ZNF300: variants seen among roughly 807,000 people sequenced by gnomAD.
The protein encoded by ZNF300 is zinc finger protein 300.
Under a neutral mutation model 13.9 loss-of-function variants are expected in ZNF300, and 6 were observed. That is an observed-to-expected ratio of 0.43 (90% CI 0.24 to 0.85). The LOEUF (loss-of-function observed/expected upper bound fraction) is 0.85. Ranked by LOEUF, ZNF300 falls within the 40% of genes least tolerant of loss-of-function variation. ZNF300 has a pLI of 0.25. For missense variants in ZNF300, 662 were observed against 714.2 expected (o/e 0.93, Z 0.83); for synonymous variants, 237 against 242.2 (o/e 0.98, Z 0.20).
Position 150,896,112 on chromosome 5 carries a change from G to A in ZNF300, c.1127C>T (p.Thr376Ile), listed in dbSNP as rs780758598. Residue 376 changes from threonine (T) to isoleucine (I), a missense_variant, in exon 6 of 6, where the codon ACT becomes ATT. Transcript: ENST00000274599. ...SPLIIHQRIH[T>I]GEKPYECREC... is the part of the protein sequence containing the mutation. The stretch of plus-strand genomic sequence containing the variant: ...TCTACATTCATAGGGTTTTTCCCCA[G>A]TATGTATTCTCTGATGTATAATGAG... The A allele has an allele frequency of 7.4e-6, 12 of 1,613,298 alleles. No individual in the cohort carries two copies. Among genetic ancestry groups the A allele is most frequent in the Admixed American group, 3.3e-5 (2 of 59,842 alleles).
chr5:150,898,318 T>C, intron 4 of ZNF300, 110 bp downstream of exon 4: 1 of 1,597,142 alleles, frequency 6.3e-7, no homozygotes. Flanking sequence ...TGCAAAGGTA[T>C]GAAGGTCATA....
chr5:150,903,146 A>G lies in ZNF300; in HGVS notation c.10T>C (p.Ser4Pro). The G allele has an allele frequency of 6.2e-7, 1 of 1,612,352 alleles. No homozygotes were observed. The highest frequency in any genetic ancestry group is 8.5e-7 in the Non-Finnish European group (1 of 1,179,510). The part of the protein sequence containing the change: MMK[S>P]QGLVSFKDVA... The stretch of plus-strand genomic sequence containing the variant: ...TTTTTTAAAAAGCAACTCACCTGGG[A>G]CTTCATCATTTTTTGCTCTTCCAAA... The change falls in exon 3 of 6, where the codon TCC becomes CCC. Residue 4 changes from serine (S) to proline (P), a missense_variant. Physicochemically the swap from Ser to Pro is moderately conservative, Grantham distance 74. Transcript: ENST00000274599.
In ZNF300 at chr5:150,896,188, T is replaced by C; in HGVS notation, c.1051A>G (p.Lys351Glu). 1 of 1,613,620 alleles carries C rather than the reference T, an allele frequency of 6.2e-7. No individual in the cohort carries two copies. The change falls in exon 6 of 6, where the codon AAA (lysine) becomes GAA (glutamate). Residue 351 changes from lysine to glutamate, a missense_variant. Transcript: ENST00000274599. The part of the protein sequence containing the change: ...IIHQRVHTGE[K>E]PYECSECGKA... The stretch of plus-strand genomic sequence containing the variant: ...CCGCATTCACTACATTCATAGGGTT[T>C]TTCCCCAGTGTGAACTCTCTGATGT...
chr5:150,899,258 C>G (rs1581661732), intron 3 of ZNF300, among the ~76,000 whole-genome samples: 1 of 151,664 alleles, frequency 6.6e-6, no homozygotes, highest in African/African-American at 2.4e-5. Flanking sequence ...TCCTAGCAAA[C>G]CAATACACTA....
At position 150,895,448 on chromosome 5, in the gene ZNF300, TC is replaced by T; in HGVS notation, c.1790del (p.Arg597LysfsTer6). On this transcript the variant is annotated frameshift_variant, in exon 6 of 6. Transcript: ENST00000274599. LOFTEE classifies it high-confidence loss of function. ...IQKSQLTVHQ[R>X]IHTVVKS Reference sequence around the variant, plus strand: ...ATTATGATTTTACCACTGTGTGAATTCTCTGGTGTACAGTTAGTTGTGACTT... The same window carrying T: ...ATTATGATTTTACCACTGTGTGAATTTCTGGTGTACAGTTAGTTGTGACTT... 3 of 1,606,522 alleles carry T rather than the reference TC, an allele frequency of 1.9e-6. No individual in the cohort carries two copies. The highest frequency in any genetic ancestry group is 2.6e-6 in the Non-Finnish European group (3 of 1,175,240).
At chr5:150,898,381 G>A (rs747554655) in intron 4 of ZNF300, 47 bp downstream of exon 4, 4 of 1,613,078 alleles carry the variant, frequency 2.5e-6, no homozygotes, top group Admixed American at 1.7e-5. Context: ...AGTAAGGAAA[G>A]GCACTTGATT....
intron 3 of ZNF300, among the ~76,000 whole-genome samples, chr5:150,899,197 C>T (rs755098536): frequency 6.6e-6 from 1 of 152,052 alleles, no homozygotes; most frequent in Non-Finnish European, 1.5e-5. Context: ...AACTATGAGA[C>T]TAAATTTCTA....
chr5:150,900,356 T>G (rs541135768), intron 3 of ZNF300, among the ~76,000 whole-genome samples: 1 of 152,208 alleles, frequency 6.6e-6, no homozygotes, highest in East Asian at 1.9e-4. Context: ...TTTCTACTTT[T>G]ACAAATGCTG....
chr5:150,903,112 A>ATTT (rs111355487), intron 3 of ZNF300, 29 bp downstream of exon 3: 592 of 1,279,080 alleles, frequency 4.6e-4, no homozygotes, highest in East Asian at 1.3e-3. Flanking sequence ...CCAAAGAAGA[A>ATTT]TTTTTTTTTT....
rs1754753617 is a variant in ZNF300, at chr5:150,895,978, T to C, written c.1261A>G (p.Lys421Glu). ...CTECGKAFCEKSHLIIHKRIH... is the reference protein window; with the variant it reads ...CTECGKAFCEESHLIIHKRIH... ...CTTTTATGTATAATGAGGTGGGACT[T>C]CTCACAGAAGGCTTTCCCACATTCG... Residue 421 changes from lysine to glutamate, a missense_variant, in exon 6 of 6, where the codon AAG (lysine) becomes GAG (glutamate). Lys to Glu is a moderately conservative substitution (Grantham distance 56). Coordinates refer to ENST00000274599, the MANE Select transcript of ZNF300 (RefSeq NM_052860.4). The C allele has an allele frequency of 6.2e-7, 1 of 1,613,428 alleles. No individual in the cohort carries two copies. Among genetic ancestry groups the C allele is most frequent in the African/African-American group, 1.3e-5 (1 of 74,886 alleles).
rs1263725847 is a variant in ZNF300, at chr5:150,896,543, C to G, written c.696G>C (p.Glu232Asp). The change falls in exon 6 of 6, where the codon GAG (glutamate) becomes GAC (aspartate). Residue 232 changes from glutamate (E) to aspartate (D), a missense_variant. Transcript: ENST00000274599. ...AAGGTATTACTCCATTGTGAATCTT[C>G]TCAAGATTAGAATTGGGCTCACTCT... ...SSQSEPNSNLEKIHNGVIPFD... is the reference protein window; with the variant it reads ...SSQSEPNSNLDKIHNGVIPFD... 6.2e-7 allele frequency: 1 copy of G among 1,613,692 alleles called. No individual in the cohort carries two copies. Among genetic ancestry groups the G allele is most frequent in the South Asian group, 1.1e-5 (1 of 91,062 alleles).
intron 3 of ZNF300, among the ~76,000 whole-genome samples, chr5:150,900,175 T>C (rs1007288281): frequency 2.0e-5 from 3 of 152,174 alleles, no homozygotes; most frequent in Non-Finnish European, 4.4e-5. Flanking sequence ...GCAAGATTTA[T>C]TCTCAATAGT....
Position 150,896,503 on chromosome 5 carries a change from A to C in ZNF300, c.736T>G (p.Cys246Gly). 6.2e-7 allele frequency: 1 copy of C among 1,613,570 alleles called. No individual in the cohort carries two copies. Among genetic ancestry groups the C allele is most frequent in the Non-Finnish European group, 8.5e-7 (1 of 1,179,800 alleles). The change falls in exon 6 of 6, where the codon TGT becomes GGT. Residue 246 changes from cysteine to glycine, a missense_variant. Coordinates refer to ENST00000274599, the MANE Select transcript of ZNF300 (RefSeq NM_052860.4). ...NGVIPFDDNQ[C>G]GNVFRNTQSL... is the part of the protein sequence containing the mutation. ...TGTGTATTTCTAAAAACGTTTCCAC[A>C]CTGATTATCATCAAAAGGTATTACT... is the stretch of plus-strand genomic sequence containing the variant.
rs1754695367 is a variant in ZNF300, at chr5:150,894,788, G to GT, written c.*635dup. The stretch of plus-strand genomic sequence containing the variant: ...AAGGCCATCTGGCCTCAGTGCCAAT[G>GT]TTTTTCAGCTCCAAGTTCCCAGTTG... On this transcript the variant is annotated 3_prime_UTR_variant, in exon 6 of 6. Coordinates refer to ENST00000274599, the MANE Select transcript of ZNF300 (RefSeq NM_052860.4). 2.0e-5 allele frequency: 3 copies of GT among 152,342 alleles called. No homozygotes were observed. The highest frequency in any genetic ancestry group is 4.4e-5 in the Non-Finnish European group (3 of 68,020). 9.4% of individuals were successfully genotyped at this position (152,342 alleles called of 1,614,324 possible).
Position 150,896,907 on chromosome 5 carries a change from A to G in ZNF300, c.332T>C (p.Ile111Thr). 9.3e-6 allele frequency: 15 copies of G among 1,613,516 alleles called. No individual in the cohort carries two copies. Among genetic ancestry groups the G allele is most frequent in the Non-Finnish European group, 1.2e-5 (14 of 1,179,684 alleles). Residue 111 changes from isoleucine to threonine, a missense_variant, in exon 6 of 6, where the codon ATA becomes ACA. Coordinates refer to ENST00000274599, the MANE Select transcript of ZNF300 (RefSeq NM_052860.4). ...ACCATCCCTTGTGACTCCTTTCAGT[A>G]TCTTATGATGGAAGGAAACTGTCCC... ...ILGTVSFHHK[I>T]LKGVTRDGSL...
chr5:150,896,860 CTT>C lies in ZNF300; in HGVS notation c.377_378del (p.Lys126SerfsTer5), dbSNP rs879404254. 18 of 1,613,578 alleles carry C rather than the reference CTT, an allele frequency of 1.1e-5. No homozygotes were observed. Among genetic ancestry groups the C allele is most frequent in the Non-Finnish European group, 1.4e-5 (16 of 1,179,762 alleles). ...TRDGSLCSIL[K>X]VCQGDGQLQR... ...TGCAGCTGACCATCACCTTGACAGACTTTTAAAATGGAGCACAATGAACCATC... is the reference window on the plus strand; with the variant it reads ...TGCAGCTGACCATCACCTTGACAGACTTAAAATGGAGCACAATGAACCATC... On this transcript the variant is annotated frameshift_variant, in exon 6 of 6. Transcript: ENST00000274599. LOFTEE classifies it low-confidence loss of function (END_TRUNC).
Position 150,896,143 on chromosome 5 carries a change from A to C in ZNF300, c.1096T>G (p.Ser366Ala). The C allele has an allele frequency of 6.2e-7, 1 of 1,613,348 alleles. No homozygotes were observed. Among genetic ancestry groups the C allele is most frequent in the East Asian group, 2.2e-5 (1 of 44,848 alleles). Residue 366 changes from serine (S) to alanine (A), a missense_variant, in exon 6 of 6, where the codon TCA becomes GCA. By Grantham distance (99) the Ser-to-Ala change is moderately conservative (BLOSUM62 1). Transcript: ENST00000274599. The stretch of plus-strand genomic sequence containing the variant: ...ATTCTCTGATGTATAATGAGGGGTG[A>C]TTTCTGGGAGAAGGCTTTCCCGCAT... ...SECGKAFSQK[S>A]PLIIHQRIHT...
intron 5 of ZNF300, 123 bp from the exon 6 acceptor site, chr5:150,897,096 C>T: frequency 1.4e-6 from 1 of 715,630 alleles, no homozygotes; most frequent in Non-Finnish European, 2.3e-6. Flanking sequence ...GGAAACAGGT[C>T]ATCTCAGAAG....
In ZNF300 at chr5:150,896,811, T is replaced by C; in HGVS notation, c.428A>G (p.Lys143Arg). The change falls in exon 6 of 6, where the codon AAA (lysine) becomes AGA (arginine). Residue 143 changes from lysine (K) to arginine (R), a missense_variant. By Grantham distance (26) the Lys-to-Arg change is conservative (BLOSUM62 2). Coordinates refer to ENST00000274599, the MANE Select transcript of ZNF300 (RefSeq NM_052860.4). ...AACAAATGTGACCTGCCTGAAGAGTTTGTCTTGATTCTCTAGAAATCTCTG... is the reference window on the plus strand; with the variant it reads ...AACAAATGTGACCTGCCTGAAGAGTCTGTCTTGATTCTCTAGAAATCTCTG... ...QLQRFLENQDKLFRQVTFVNS... is the reference protein window; with the variant it reads ...QLQRFLENQDRLFRQVTFVNS... The C allele has an allele frequency of 6.2e-7, 1 of 1,613,790 alleles. No individual in the cohort carries two copies.
Sources: allele counts gnomAD v4.1 joint callset (sites outside exome capture counted in the v4.1 genomes callset), GRCh38; gene constraint gnomAD v4.1.1; transcripts MANE v1.5; gene names NCBI Gene and HGNC (gene_info 2026-07-23, HGNC 2026-07-21).